The following ANKRD28 variants were observed in gnomAD, a reference collection of about 807,000 sequenced individuals.
ANKRD28 encodes ankyrin repeat domain 28, also known as serine/threonine-protein phosphatase 6 regulatory ankyrin repeat subunit A.
ANKRD28 carries 44 observed loss-of-function variants against 126.5 expected under a neutral mutation model. That is an observed-to-expected ratio of 0.35 (90% confidence interval 0.27 to 0.45). ANKRD28 has a LOEUF of 0.45. ANKRD28 is among the 20% of genes least tolerant of loss of function. ANKRD28 has a pLI of 1.00. For missense variants in ANKRD28, 1,110 were observed against 1,316.6 expected (o/e 0.84, Z 2.43); for synonymous variants, 442 against 468.5 (o/e 0.94, Z 0.73).
At chr3:15,790,609 C>A (rs1326843960) in intron 2 of ANKRD28, among the ~76,000 whole-genome samples, 1 of 151,506 alleles carries the variant, frequency 6.6e-6, no homozygotes, top group Non-Finnish European at 1.5e-5. Context: ...TGATAAAAAC[C>A]CTCAAAAAAC....
At chr3:15,841,138 C>CA (rs1017301791) in intron 1 of ANKRD28, among the ~76,000 whole-genome samples, 125 of 151,484 alleles carry the variant, frequency 8.3e-4, no homozygotes, top group African/African-American at 2.9e-3. Context: ...GACTGTGTCT[C>CA]AAAAAAAGAA....
chr3:15,708,258 G>C (rs896189843), intron 13 of ANKRD28, among the ~76,000 whole-genome samples, 194 bp from the exon 14 acceptor site: 1 of 152,178 alleles, frequency 6.6e-6, no homozygotes, highest in African/African-American at 2.4e-5. Flanking sequence ...GAACCTTTAA[G>C]TATATGAAAT....
In ANKRD28 at chr3:15,714,657, C is replaced by T. The variant is rs1351715606; in HGVS notation, c.997-1G>A. 6.3e-7 allele frequency: 1 copy of T among 1,581,248 alleles called. No individual in the cohort carries two copies. The highest frequency in any genetic ancestry group is 1.4e-5 in the African/African-American group (1 of 72,710). On this transcript the variant is annotated splice_acceptor_variant, in intron 8 of 27. Coordinates refer to ENST00000683139, the MANE Select transcript of ANKRD28 (RefSeq NM_001349278.2). LOFTEE classifies it high-confidence loss of function. ...GTAGTGGGGTTTTCCCATCTTTACT[C>T]TGGGGGGGGAAGAAAAAAATTACTC...
chr3:15,850,224 T>TATATATAGAG (rs1418223588), intron 1 of ANKRD28, among the ~76,000 whole-genome samples: 86 of 35,108 alleles, frequency 2.4e-3, no homozygotes, highest in Non-Finnish European at 3.2e-3. Context: ...TATATATATA[T>TATATATAGAG]AGAGAGAGAG....
Position 15,833,035 on chromosome 3 carries a change from A to G in ANKRD28, c.27+26342T>C, listed in dbSNP as rs2061238977. On this transcript the variant is annotated intron_variant, in intron 1 of 27. Transcript: ENST00000399451. This position sits in a 1 kb window ranked among gnomAD's most constrained non-coding sequence, Gnocchi z 4.4. Reference sequence around the variant, plus strand: ...TTCCATAAGGATTTTACTAACTTACATTCCCACCAATAGTGTATAGTGTAT... The same window carrying G: ...TTCCATAAGGATTTTACTAACTTACGTTCCCACCAATAGTGTATAGTGTAT... 6.6e-6 allele frequency among the ~76,000 whole-genome samples: 1 copy of G among 152,208 alleles called. No homozygotes were observed. Among genetic ancestry groups the G allele is most frequent in the African/African-American group, 2.4e-5 (1 of 41,454 alleles).
chr3:15,793,523 C>G (rs1343003327), intron 2 of ANKRD28, among the ~76,000 whole-genome samples: 1 of 151,972 alleles, frequency 6.6e-6, no homozygotes, highest in Non-Finnish European at 1.5e-5. Context: ...AAAGTAATGT[C>G]AGCTACAATA....
intron 27 of ANKRD28, among the ~76,000 whole-genome samples, 185 bp downstream of exon 27, chr3:15,675,713 A>C (rs1248897680): frequency 6.6e-6 from 1 of 152,256 alleles, no homozygotes; most frequent in African/African-American, 2.4e-5. Context: ...GGAATTCGGA[A>C]GTACATCTGT....
At chr3:15,757,907 A>G (rs2125447251) in intron 3 of ANKRD28, among the ~76,000 whole-genome samples, 1 of 152,326 alleles carries the variant, frequency 6.6e-6, no homozygotes, top group South Asian at 2.1e-4. Flanking sequence ...AGCCACATCT[A>G]TTCAATTTAA....
intron 4 of ANKRD28, among the ~76,000 whole-genome samples, chr3:15,742,426 G>A (rs1214981739): frequency 3.4e-5 from 5 of 148,778 alleles, no homozygotes; most frequent in African/African-American, 7.5e-5. Flanking sequence ...CTACCTGGCC[G>A]CGACCCCGTC....
intron 1 of ANKRD28, among the ~76,000 whole-genome samples, chr3:15,803,011 T>G (rs913288171): frequency 6.6e-6 from 1 of 152,200 alleles, no homozygotes; most frequent in Non-Finnish European, 1.5e-5. Context: ...GGGTGGCCCA[T>G]GTGGCTGGGG....
At chr3:15,773,998 T>C (rs533333671) in intron 2 of ANKRD28, among the ~76,000 whole-genome samples, 1 of 152,110 alleles carries the variant, frequency 6.6e-6, no homozygotes, top group South Asian at 2.1e-4. Context: ...AGTCTAGAAA[T>C]AAACCCACAC....
At chr3:15,671,380 CT>C (rs2066329150) in intron 27 of ANKRD28, among the ~76,000 whole-genome samples, 1 of 152,014 alleles carries the variant, frequency 6.6e-6, no homozygotes, top group African/African-American at 2.4e-5. Flanking sequence ...CCATATGGAA[CT>C]TTAATAGTTT....
intron 17 of ANKRD28, 119 bp downstream of exon 17, chr3:15,694,620 C>T: frequency 1.6e-6 from 1 of 628,798 alleles, no homozygotes. Flanking sequence ...GTTTTAATTC[C>T]ATGATAACTA....
At chr3:15,685,776 A>G (rs2068043328) in intron 20 of ANKRD28, among the ~76,000 whole-genome samples, 1 of 152,232 alleles carries the variant, frequency 6.6e-6, no homozygotes, top group African/African-American at 2.4e-5. Flanking sequence ...CATTAATTCT[A>G]CTAAAAGTTT....
Position 15,796,553 on chromosome 3 carries a change from T to C in ANKRD28, c.-32A>G. The C allele has an allele frequency of 1.6e-6, 2 of 1,264,420 alleles. No homozygotes were observed. Among genetic ancestry groups the C allele is most frequent in the African/African-American group, 1.5e-5 (1 of 65,190 alleles). 78.3% of individuals were successfully genotyped at this position (1,264,420 alleles called of 1,614,324 possible). ...TTTTAAAACACTAAATTCCAAGCTA[T>C]GTGATAAAAGTCACAGTTGGAAGAG... On this transcript the variant is annotated 5_prime_UTR_variant, in exon 1 of 28. Transcript: ENST00000683139.
intron 3 of ANKRD28, among the ~76,000 whole-genome samples, chr3:15,752,214 T>C (rs1450121416): frequency 6.6e-6 from 1 of 152,156 alleles, no homozygotes; most frequent in Non-Finnish European, 1.5e-5. Flanking sequence ...TTCATTACAT[T>C]TCTTTACTAA....
intron 6 of ANKRD28, among the ~76,000 whole-genome samples, chr3:15,727,596 A>AACC: frequency 6.8e-6 from 1 of 147,722 alleles, no homozygotes; most frequent in African/African-American, 2.6e-5. Flanking sequence ...AAAAAGAAAG[A>AACC]AAGAAAGAAC....
At chr3:15,718,704 C>T (rs370294792) in intron 8 of ANKRD28, among the ~76,000 whole-genome samples, 6 of 152,112 alleles carry the variant, frequency 3.9e-5, no homozygotes, top group African/African-American at 1.2e-4. Flanking sequence ...TAGTAGCTGA[C>T]GACACAGGTA....
At chr3:15,715,137 T>C (rs2072852481) in intron 8 of ANKRD28, among the ~76,000 whole-genome samples, 1 of 152,224 alleles carries the variant, frequency 6.6e-6, no homozygotes, top group Non-Finnish European at 1.5e-5. Context: ...TAAATCAGAC[T>C]GGCTGCACAC....
Sources: allele counts gnomAD v4.1 joint callset (sites outside exome capture counted in the v4.1 genomes callset), GRCh38; gene constraint gnomAD v4.1.1; non-coding constraint Gnocchi (gnomAD v3.1); transcripts MANE v1.5; gene names NCBI Gene and HGNC (gene_info 2026-07-23, HGNC 2026-07-21).